The following RALY variants were observed in gnomAD, a reference collection of about 807,000 sequenced individuals.
RALY encodes the protein RNA-binding protein Raly.
A neutral mutation model predicts 30.7 loss-of-function variants in RALY; 15 were observed. The observed-to-expected ratio is 0.49, with a 90% CI of 0.33 to 0.75. RALY has a LOEUF of 0.75. RALY is among the 30% of genes least tolerant of loss of function. RALY has a pLI of 0.02. For missense variants in RALY, 339 were observed against 414.3 expected (o/e 0.82, Z 1.58); for synonymous variants, 177 against 170.8 (o/e 1.04, Z -0.28).
intron 2 of RALY, among the ~76,000 whole-genome samples, chr20:34,045,417 G>A (rs117826878): frequency 0.017 from 2,564 of 152,274 alleles, 34 homozygotes; most frequent in South Asian, 0.032. Flanking sequence ...AGAATAATTA[G>A]AAGGCAGCCA....
At chr20:34,054,076 C>T (rs909324819) in intron 2 of RALY, among the ~76,000 whole-genome samples, 45 of 152,170 alleles carry the variant, frequency 3.0e-4, no homozygotes, top group African/African-American at 1.1e-3. Context: ...TCATCAGTGT[C>T]TTACATCTCC....
chr20:34,057,666 C>CAG, intron 2 of RALY, among the ~76,000 whole-genome samples: 1 of 67,368 alleles, frequency 1.5e-5, no homozygotes, highest in South Asian at 4.9e-4. Flanking sequence ...GACTCCGTCT[C>CAG]AAAAAAAAAA....
At chr20:34,021,338 G>T (rs1052233835) in intron 1 of RALY, among the ~76,000 whole-genome samples, 1 of 152,166 alleles carries the variant, frequency 6.6e-6, no homozygotes, top group African/African-American at 2.4e-5. Flanking sequence ...AACAATAGAA[G>T]TTTGTTTGGC....
chr20:34,057,633 C>G (rs1270347702), intron 2 of RALY, among the ~76,000 whole-genome samples: 3 of 149,528 alleles, frequency 2.0e-5, no homozygotes, highest in Admixed American at 2.0e-4. Context: ...CGCCACTGCA[C>G]TCCAGCCTGG....
intron 2 of RALY, among the ~76,000 whole-genome samples, chr20:34,069,106 T>C (rs1398540863): frequency 6.6e-6 from 1 of 152,178 alleles, no homozygotes; most frequent in Non-Finnish European, 1.5e-5. Context: ...AAACTGATCT[T>C]CATATGCCAT....
intron 1 of RALY, among the ~76,000 whole-genome samples, chr20:34,020,870 A>G (rs1401864061): frequency 2.6e-5 from 4 of 152,222 alleles, no homozygotes; most frequent in African/African-American, 7.2e-5. Context: ...AAGAAGGGAC[A>G]TGATTTAGTA....
At chr20:34,065,826 G>A (rs560383061) in intron 2 of RALY, among the ~76,000 whole-genome samples, 34 of 152,286 alleles carry the variant, frequency 2.2e-4, no homozygotes, top group Admixed American at 3.3e-4. Context: ...GGAGAATAAG[G>A]CCAGAGGGGT....
rs1350747543 is a variant in RALY at position 34,078,487 on chromosome 20, T to C, written c.877-18T>C. 1 of 1,574,544 alleles carries C rather than the reference T, an allele frequency of 6.4e-7. No homozygotes were observed. The highest frequency in any genetic ancestry group is 1.8e-5 in the Admixed American group (1 of 54,398). On this transcript the variant is annotated intron_variant, in intron 8 of 9. Coordinates refer to ENST00000246194, the MANE Select transcript of RALY (RefSeq NM_016732.3). ...GGCAATGAGTGATGTGTGGTCTCTC[T>C]TACCTCCTCCCTATCAGGAACACAG...
chr20:34,058,335 C>T (rs578238643), intron 2 of RALY, among the ~76,000 whole-genome samples: 14 of 152,064 alleles, frequency 9.2e-5, no homozygotes, highest in African/African-American at 2.4e-4. Flanking sequence ...ATATGTATAC[C>T]GTATTACATG....
At chr20:34,069,521 C>T (rs146158575) in intron 2 of RALY, among the ~76,000 whole-genome samples, 1 of 152,240 alleles carries the variant, frequency 6.6e-6, no homozygotes, top group East Asian at 1.9e-4. Context: ...CTCCCTAGGC[C>T]AAAACTATAG....
At chr20:34,021,934 T>A (rs924236460) in intron 1 of RALY, among the ~76,000 whole-genome samples, 3 of 151,216 alleles carry the variant, frequency 2.0e-5, no homozygotes, top group Non-Finnish European at 2.9e-5. Flanking sequence ...AATTTTTTTT[T>A]AAATAGAGAC....
At position 34,021,561 on chromosome 20, in the gene RALY, AC is replaced by A. The variant is rs1227667324; in HGVS notation, c.-92-9960del. ...ATTCATGAAGGCAGAGCCCTCATGCACTAATGTTGCCTCTCAGAGTCCCCTG... is the reference window on the plus strand; with the variant it reads ...ATTCATGAAGGCAGAGCCCTCATGCATAATGTTGCCTCTCAGAGTCCCCTG... On this transcript the variant is annotated intron_variant, in intron 1 of 9. Transcript: ENST00000246194. 9.8e-5 allele frequency among the ~76,000 whole-genome samples: 15 copies of A among 152,308 alleles called. No homozygotes were observed. In the South Asian group the frequency reaches 2.5e-3, roughly 25 times the overall value.
At chr20:34,053,192 A>G (rs996601820) in intron 2 of RALY, among the ~76,000 whole-genome samples, 13 of 152,028 alleles carry the variant, frequency 8.6e-5, no homozygotes, top group African/African-American at 3.1e-4. Flanking sequence ...GCAAGTTTAT[A>G]TGGTAGATTG....
chr20:34,017,728 T>C (rs151157165), intron 1 of RALY: 4 of 152,342 alleles, frequency 2.6e-5, no homozygotes, highest in East Asian at 1.9e-4. Context: ...ACTGGATGCA[T>C]TGGAGAACCT....
intron 2 of RALY, among the ~76,000 whole-genome samples, chr20:34,068,083 C>T (rs764413727): frequency 1.8e-4 from 27 of 152,130 alleles, no homozygotes; most frequent in Non-Finnish European, 1.5e-5. Context: ...TCTGACATTG[C>T]AGAAGTCTCT....
chr20:34,050,551 A>T (rs1035859542), intron 2 of RALY, among the ~76,000 whole-genome samples: 2 of 152,252 alleles, frequency 1.3e-5, no homozygotes, highest in Non-Finnish European at 2.9e-5. Flanking sequence ...GGGTTGAAGG[A>T]TGAATTGAGA....
chr20:34,044,763 A>T (rs2123147296), intron 2 of RALY, among the ~76,000 whole-genome samples: 1 of 152,326 alleles, frequency 6.6e-6, no homozygotes, highest in East Asian at 1.9e-4. Context: ...CAAGCCCGTA[A>T]GTTAGTCACA....
intron 2 of RALY, among the ~76,000 whole-genome samples, chr20:34,063,445 A>G (rs1222057165): frequency 2.0e-5 from 3 of 152,218 alleles, no homozygotes; most frequent in African/African-American, 4.8e-5. Context: ...ATGTGACTGT[A>G]GACAAATTAA....
rs2034052757 is a variant in RALY, at chr20:34,082,926, G to A, written c.*3021G>A. 3 of 152,212 alleles carry A rather than the reference G, an allele frequency of 2.0e-5. No individual in the cohort carries two copies. Among genetic ancestry groups the A allele is most frequent in the Admixed American group, 1.3e-4 (2 of 15,280 alleles). 9.4% of individuals were successfully genotyped at this position (152,212 alleles called of 1,614,324 possible). A position where few individuals can be genotyped will look rare whatever the true frequency, so the allele number is the denominator to read the frequency against. On this transcript the variant is annotated 3_prime_UTR_variant, in exon 10 of 10. Transcript: ENST00000246194. ...GAAAGCCTCATTTGTGATCCTCACA[G>A]CCATCTTGAAAGAATAGAGCAGCCA...
Sources: gnomAD v4.1 joint callset for allele counts (sites outside exome capture counted in the v4.1 genomes callset) on GRCh38, gnomAD v4.1.1 for gene constraint, MANE v1.5 for transcripts, NCBI Gene and HGNC (gene_info 2026-07-23, HGNC 2026-07-21) for gene names.